SPAG17: variants seen among roughly 807,000 people sequenced by gnomAD.
SPAG17 encodes sperm-associated antigen 17.
A neutral mutation model predicts 273.6 loss-of-function variants in SPAG17; 169 were observed. The observed-to-expected ratio is 0.62, with a 90% CI of 0.55 to 0.70. The LOEUF is 0.70. SPAG17 is among the 30% of genes least tolerant of loss of function. The pLI is 0.00. For missense variants in SPAG17, 2,557 were observed against 2,627.8 expected, an observed-to-expected ratio of 0.97 and a Z score of 0.59; for synonymous variants, 825 against 873.2, an observed-to-expected ratio of 0.94 and a Z score of 0.97.
chr1:118,060,441 G>A (rs868080730), intron 18 of SPAG17, among the ~76,000 whole-genome samples: 7 of 151,796 alleles, frequency 4.6e-5, no homozygotes, highest in African/African-American at 7.3e-5. Flanking sequence ...AACATTTTAC[G>A]TTATTGACAT....
chr1:118,158,609 C>T (rs1659768077), intron 1 of SPAG17, among the ~76,000 whole-genome samples: 1 of 152,038 alleles, frequency 6.6e-6, no homozygotes, highest in African/African-American at 2.4e-5. Context: ...TGATAGGGAG[C>T]CTTAGTGCAA....
chr1:118,039,554 C>T, intron 22 of SPAG17, 110 bp from the exon 23 acceptor site: 1 of 1,069,644 alleles, frequency 9.3e-7, no homozygotes, highest in African/African-American at 1.6e-5. Flanking sequence ...AACAGAAAAC[C>T]AAACACTGCA....
chr1:118,012,138 A>G (rs1659537959), intron 30 of SPAG17, 90 bp downstream of exon 30: 1 of 1,272,932 alleles, frequency 7.9e-7, no homozygotes, highest in African/African-American at 1.5e-5. Context: ...TATTTTTCTT[A>G]TGTGTATGTT....
At chr1:118,050,754 G>A (rs1291978074) in intron 20 of SPAG17, among the ~76,000 whole-genome samples, 1 of 152,164 alleles carries the variant, frequency 6.6e-6, no homozygotes, top group African/African-American at 2.4e-5. Context: ...ATGGATTAAA[G>A]ACTTAAATGT....
chr1:118,183,980 A>C (rs1252705684), intron 1 of SPAG17, among the ~76,000 whole-genome samples: 1 of 152,228 alleles, frequency 6.6e-6, no homozygotes. Context: ...AAGGACCCAA[A>C]ATTCCATGAC....
At chr1:118,026,529 A>G (rs1647771493) in intron 26 of SPAG17, among the ~76,000 whole-genome samples, 1 of 152,212 alleles carries the variant, frequency 6.6e-6, no homozygotes, top group Admixed American at 6.5e-5. Context: ...AGATATTTCT[A>G]TATGTTAAAT....
At chr1:117,973,990 C>T (rs896053005) in intron 43 of SPAG17, among the ~76,000 whole-genome samples, 2 of 152,174 alleles carry the variant, frequency 1.3e-5, no homozygotes, top group Non-Finnish European at 2.9e-5. Flanking sequence ...GTGCAAAGAA[C>T]ATGATTTCAT....
intron 1 of SPAG17, among the ~76,000 whole-genome samples, chr1:118,156,145 G>A (rs1361381242): frequency 2.0e-5 from 3 of 152,196 alleles, no homozygotes; most frequent in Non-Finnish European, 2.9e-5. Flanking sequence ...AAGTGCTATA[G>A]TTTCACTTAA....
At chr1:117,955,381 T>G in intron 48 of SPAG17, 1 of 1,608,896 alleles carries the variant, frequency 6.2e-7, no homozygotes, top group Non-Finnish European at 8.5e-7. Context: ...TTGCGCACAA[T>G]TTTTGTAATC....
intron 43 of SPAG17, among the ~76,000 whole-genome samples, chr1:117,974,157 A>G (rs1294665193): frequency 6.6e-6 from 1 of 152,078 alleles, no homozygotes; most frequent in Non-Finnish European, 1.5e-5. Context: ...TGATAGAACA[A>G]TTTCTTTTTC....
chr1:118,115,352 C>G lies in SPAG17; in HGVS notation c.405G>C (p.Gln135His), dbSNP rs752931714. ...IGKLLKFQLL[Q>H]IKFKDQQRRE... is the part of the protein sequence containing the mutation. ...GTCGCTGTTGGTCCTTAAATTTAAT[C>G]TGGAGAAGTTGAAATTTCAAGAGTT... The change falls in exon 4 of 49, where the codon CAG (glutamine) becomes CAC (histidine). Residue 135 changes from glutamine to histidine, a missense_variant. Transcript: ENST00000336338. 5.6e-6 allele frequency: 9 copies of G among 1,613,566 alleles called. No individual in the cohort carries two copies. The African/African-American group carries it at 9.3e-5, about 17-fold the overall frequency.
intron 1 of SPAG17, among the ~76,000 whole-genome samples, chr1:118,170,491 T>C (rs535787390): frequency 2.1e-4 from 32 of 152,088 alleles, no homozygotes; most frequent in African/African-American, 7.7e-4. Flanking sequence ...AAGGTAGAAG[T>C]TCATGTCAAG....
chr1:118,180,452 C>T (rs1026072840), intron 1 of SPAG17, among the ~76,000 whole-genome samples: 2 of 151,862 alleles, frequency 1.3e-5, no homozygotes, highest in Admixed American at 6.6e-5. Context: ...AGTAGCGAAG[C>T]CAGGGCATAG....
chr1:118,077,315 T>A (rs1654182776), intron 15 of SPAG17, among the ~76,000 whole-genome samples: 1 of 152,034 alleles, frequency 6.6e-6, no homozygotes, highest in Admixed American at 6.6e-5. Flanking sequence ...TGGAAGTAGG[T>A]CAAAATGCAC....
chr1:118,005,670 C>T (rs1658804803), intron 31 of SPAG17, 68 bp from the exon 32 acceptor site: 1 of 1,164,238 alleles, frequency 8.6e-7, no homozygotes, highest in African/African-American at 1.6e-5. Flanking sequence ...CTTGGAAAAC[C>T]ATTTTAGGAG....
Position 117,991,819 on chromosome 1 carries a change from G to A in SPAG17, c.5362-291C>T, listed in dbSNP as rs939640995. On this transcript the variant is annotated intron_variant, in intron 36 of 48. Transcript: ENST00000336338. ...ACTTAAGTGTCCTCATCAATAAAAT[G>A]GACAGAATTGGGTTAGATGATGTGT... Among the ~76,000 whole-genome samples the A allele has an allele frequency of 2.0e-5, 3 of 152,146 alleles. No homozygotes were observed. In the East Asian group the frequency reaches 5.8e-4, roughly 29 times the overall value.
intron 32 of SPAG17, among the ~76,000 whole-genome samples, chr1:118,000,231 T>C (rs1658124767): frequency 6.6e-6 from 1 of 152,228 alleles, no homozygotes; most frequent in Non-Finnish European, 1.5e-5. Flanking sequence ...TGTAGCCTTG[T>C]AGTATAGTTT....
intron 34 of SPAG17, 96 bp downstream of exon 34, chr1:117,996,274 G>A (rs527345466): frequency 7.2e-5 from 101 of 1,406,434 alleles, no homozygotes; most frequent in East Asian, 4.9e-4. Flanking sequence ...TGAGCAAAGC[G>A]GAAAAAGTAA....
intron 3 of SPAG17, among the ~76,000 whole-genome samples, chr1:118,115,811 T>C (rs754453809): frequency 3.3e-4 from 50 of 152,386 alleles, no homozygotes; most frequent in Admixed American, 5.2e-4. Context: ...GCATAGCCAG[T>C]AGTCCAAACT....
Sources: gnomAD v4.1 joint callset for allele counts (sites outside exome capture counted in the v4.1 genomes callset) on GRCh38, gnomAD v4.1.1 for gene constraint, MANE v1.5 for transcripts, NCBI Gene and HGNC (gene_info 2026-07-23, HGNC 2026-07-21) for gene names.